The following CNTNAP2 variants were observed in gnomAD, a reference collection of about 807,000 sequenced individuals.
The protein encoded by CNTNAP2 is contactin-associated protein-like 2.
In CNTNAP2, 98 loss-of-function variants were observed where a neutral mutation model predicts 155.2. The ratio of observed to expected loss-of-function variants is 0.63; its 90% CI spans 0.54 to 0.75. The LOEUF is 0.75. CNTNAP2 is among the 30% of genes least tolerant of loss of function. The pLI, the probability that CNTNAP2 is intolerant of heterozygous loss-of-function variation, is 0.00. For missense variants in CNTNAP2, 1,727 were observed against 1,688.1 expected, an observed-to-expected ratio of 1.02 and a Z score of -0.40; for synonymous variants, 651 against 631.2, an observed-to-expected ratio of 1.03 and a Z score of -0.47.
At chr7:147,214,804 C>T (rs1272665774) in intron 8 of CNTNAP2, among the ~76,000 whole-genome samples, 5 of 152,092 alleles carry the variant, frequency 3.3e-5, no homozygotes, top group Admixed American at 3.3e-4. Context: ...TTTCACACTG[C>T]TATGAAGAAC....
At position 147,253,342 on chromosome 7, in the gene CNTNAP2, C is replaced by T. The variant is rs529796728; in HGVS notation, c.1349-46799C>T. ...GCCACGTAGAAGCATCAGCCAGATC[C>T]AGCTGGAGCCAATCCTGCTGATTAG... On this transcript the variant is annotated intron_variant, in intron 8 of 23. Transcript: ENST00000361727. 2.0e-5 allele frequency among the ~76,000 whole-genome samples: 3 copies of T among 150,998 alleles called. No homozygotes were observed. The South Asian group carries it at 6.3e-4, about 32-fold the overall frequency.
intron 11 of CNTNAP2, among the ~76,000 whole-genome samples, chr7:147,496,080 A>C (rs1465080868): frequency 6.6e-6 from 1 of 152,206 alleles, no homozygotes; most frequent in East Asian, 1.9e-4. Flanking sequence ...GGGACCACCT[A>C]GTTGCAGGAA....
intron 13 of CNTNAP2, among the ~76,000 whole-genome samples, chr7:147,811,068 A>G (rs1798171937): frequency 6.6e-6 from 1 of 152,158 alleles, no homozygotes; most frequent in Admixed American, 6.5e-5. Context: ...TTTTCAATAA[A>G]ATGTGGACTA....
At chr7:147,167,845 A>G (rs1802145433) in intron 8 of CNTNAP2, among the ~76,000 whole-genome samples, 2 of 152,106 alleles carry the variant, frequency 1.3e-5, no homozygotes, top group Non-Finnish European at 2.9e-5. Flanking sequence ...CTGCAATCAC[A>G]TTAGTGAATT....
At chr7:147,881,096 T>G (rs993337173) in intron 13 of CNTNAP2, among the ~76,000 whole-genome samples, 2 of 152,178 alleles carry the variant, frequency 1.3e-5, no homozygotes, top group Non-Finnish European at 2.9e-5. Context: ...TGGTGAGGCA[T>G]TTCTCTCTGA....
At chr7:148,314,117 C>T (rs536295724) in intron 21 of CNTNAP2, among the ~76,000 whole-genome samples, 2 of 151,964 alleles carry the variant, frequency 1.3e-5, no homozygotes, top group South Asian at 4.2e-4. Context: ...CCTAGCTCGA[C>T]CTGGCAAGGA....
intron 8 of CNTNAP2, among the ~76,000 whole-genome samples, chr7:147,242,208 G>A (rs962631871): frequency 6.6e-6 from 1 of 151,576 alleles, no homozygotes; most frequent in African/African-American, 2.4e-5. Context: ...ATTCTTCTTT[G>A]TGAAAAAAGA....
At chr7:146,809,478 C>T (rs975648276) in intron 2 of CNTNAP2, among the ~76,000 whole-genome samples, 37 of 152,264 alleles carry the variant, frequency 2.4e-4, no homozygotes, top group African/African-American at 7.9e-4. Context: ...TCTCTTTCCT[C>T]AGCCTCCAGG....
chr7:146,201,593 A>C (rs1332026029), intron 1 of CNTNAP2, among the ~76,000 whole-genome samples: 1 of 152,070 alleles, frequency 6.6e-6, no homozygotes, highest in East Asian at 1.9e-4. Flanking sequence ...TCCTGAAAGA[A>C]GAAAAAATTC....
intron 10 of CNTNAP2, among the ~76,000 whole-genome samples, chr7:147,403,552 C>T (rs826657): frequency 0.13 from 19,444 of 152,058 alleles, 1,502 homozygotes; most frequent in East Asian, 0.32. Context: ...GCTGAGGTGA[C>T]GAAGGGAGGG....
intron 16 of CNTNAP2, among the ~76,000 whole-genome samples, chr7:148,131,074 C>T (rs78717980): frequency 0.071 from 9,835 of 138,878 alleles, 587 homozygotes; most frequent in African/African-American, 0.17. Context: ...GTTTTCTTTT[C>T]TCTTTTCTTC....
intron 13 of CNTNAP2, among the ~76,000 whole-genome samples, chr7:147,657,071 G>A (rs1795536780): frequency 1.3e-5 from 2 of 152,214 alleles, no homozygotes; most frequent in South Asian, 4.1e-4. Flanking sequence ...TCCCTGAAGT[G>A]AGACATTTAG....
chr7:148,345,837 G>A (rs1232474135), intron 21 of CNTNAP2, among the ~76,000 whole-genome samples: 1 of 151,956 alleles, frequency 6.6e-6, no homozygotes, highest in Non-Finnish European at 1.5e-5. Flanking sequence ...ATTTTTATTT[G>A]TTCTGACTGA....
At chr7:146,555,492 GTCTGTCTATCTATCTATCTATCTA>G (rs1231256665) in intron 1 of CNTNAP2, among the ~76,000 whole-genome samples, 8 of 84,672 alleles carry the variant, frequency 9.4e-5, no homozygotes, top group East Asian at 6.5e-4. Context: ...TGTATCATCT[GTCTGTCTATCTATCTATCTATCTA>G]TCTATCTATC....
chr7:148,156,407 C>T (rs1231013954), intron 17 of CNTNAP2, among the ~76,000 whole-genome samples: 5 of 152,206 alleles, frequency 3.3e-5, no homozygotes, highest in African/African-American at 1.2e-4. Flanking sequence ...GATTCCACAG[C>T]CGTGTGCTGT....
At chr7:146,514,309 T>C (rs1169153170) in intron 1 of CNTNAP2, among the ~76,000 whole-genome samples, 1 of 152,072 alleles carries the variant, frequency 6.6e-6, no homozygotes, top group Non-Finnish European at 1.5e-5. Flanking sequence ...TTTCTGTGAA[T>C]ACTCTTTCTT....
chr7:147,084,733 TTATA>T (rs1342332060), intron 4 of CNTNAP2, among the ~76,000 whole-genome samples: 2 of 147,844 alleles, frequency 1.4e-5, no homozygotes, highest in Middle Eastern at 3.7e-3. Flanking sequence ...TGTATGATAA[TTATA>T]TATAATGTAT....
At chr7:148,393,552 T>C (rs1000633884) in intron 22 of CNTNAP2, among the ~76,000 whole-genome samples, 3 of 151,128 alleles carry the variant, frequency 2.0e-5, no homozygotes, top group Non-Finnish European at 4.4e-5. Flanking sequence ...AGTGTTTTCA[T>C]AGAAAATCAG....
chr7:147,201,993 A>T (rs1483414242), intron 8 of CNTNAP2, among the ~76,000 whole-genome samples: 2 of 152,196 alleles, frequency 1.3e-5, no homozygotes, highest in Non-Finnish European at 2.9e-5. Flanking sequence ...TGTCCTTTAC[A>T]TAAAATGTTA....
Sources: gnomAD v4.1 joint callset for allele counts (sites outside exome capture counted in the v4.1 genomes callset) on GRCh38, gnomAD v4.1.1 for gene constraint, MANE v1.5 for transcripts, NCBI Gene and HGNC (gene_info 2026-07-23, HGNC 2026-07-21) for gene names.